The following KCNB2 variants were observed in gnomAD, a reference collection of about 807,000 sequenced individuals.
The protein encoded by KCNB2 is potassium voltage-gated channel subfamily B member 2, also known as delayed rectifier potassium channel protein.
In KCNB2, 15 loss-of-function variants were observed where a neutral mutation model predicts 61.5. The observed-to-expected ratio is 0.24, with a 90% CI of 0.16 to 0.38. The LOEUF is 0.38. KCNB2 is among the 10% of genes least tolerant of loss of function. The probability of loss-of-function intolerance (pLI) is 1.00; values close to 1 mark genes in which losing one functional copy is unlikely to be tolerated. For synonymous variants in KCNB2, 457 were observed against 446.0 expected, an observed-to-expected ratio of 1.02 and a Z score of -0.31; for missense variants, 828 against 1,125.2, an observed-to-expected ratio of 0.74 and a Z score of 3.78.
chr8:72,554,085 C>G (rs1467369227), intron 1 of KCNB2, among the ~76,000 whole-genome samples: 1 of 152,040 alleles, frequency 6.6e-6, no homozygotes, highest in African/African-American at 2.4e-5. Flanking sequence ...ATCAGGGAGA[C>G]AGTTTCAACT....
At chr8:72,819,279 C>G (rs1477560108) in intron 2 of KCNB2, among the ~76,000 whole-genome samples, 1 of 152,052 alleles carries the variant, frequency 6.6e-6, no homozygotes, top group Non-Finnish European at 1.5e-5. Context: ...ATGGCAGCAA[C>G]CGGCCCAGAG....
intron 1 of KCNB2, among the ~76,000 whole-genome samples, chr8:72,566,363 G>A (rs759965257): frequency 1.3e-5 from 2 of 152,110 alleles, no homozygotes; most frequent in Non-Finnish European, 2.9e-5. Context: ...GTTTTTAGGT[G>A]GACAAAACCC....
rs1329820665 is a variant in KCNB2 at position 72,818,222 on chromosome 8, G to T, written c.580-117713G>T. 1.3e-5 allele frequency among the ~76,000 whole-genome samples: 2 copies of T among 152,020 alleles called. 1 individual carries two copies. The highest frequency in any genetic ancestry group is 2.9e-5 in the Non-Finnish European group (2 of 68,004). ...AAAAAAATTATGGCCTATCACCCTA[G>T]TATGTAACAAAAATATTATATAACT... On this transcript the variant is annotated intron_variant, in intron 2 of 2. Coordinates refer to ENST00000523207, the MANE Select transcript of KCNB2 (RefSeq NM_004770.3).
At chr8:72,869,109 G>T (rs905191898) in intron 2 of KCNB2, among the ~76,000 whole-genome samples, 1 of 152,176 alleles carries the variant, frequency 6.6e-6, no homozygotes, top group African/African-American at 2.4e-5. Flanking sequence ...AAGAGGAAAC[G>T]CATCTAGCTC....
At chr8:72,754,525 C>T (rs1244253734) in intron 2 of KCNB2, among the ~76,000 whole-genome samples, 1 of 152,192 alleles carries the variant, frequency 6.6e-6, no homozygotes, top group Non-Finnish European at 1.5e-5. Flanking sequence ...CCTACCACCT[C>T]TCTGCCCTCT....
At chr8:72,616,048 C>T (rs1322335606) in intron 2 of KCNB2, among the ~76,000 whole-genome samples, 32 of 151,896 alleles carry the variant, frequency 2.1e-4, no homozygotes. Flanking sequence ...TACCTATTGA[C>T]AAGGGAAAAA....
chr8:72,813,418 A>G (rs77307223), intron 2 of KCNB2, among the ~76,000 whole-genome samples: 15,817 of 152,142 alleles, frequency 0.1, 1,069 homozygotes, highest in Middle Eastern at 0.24. Context: ...TACACCCAAA[A>G]AAAATAACTT....
chr8:72,763,210 ACT>A (rs1808412815), intron 2 of KCNB2, among the ~76,000 whole-genome samples: 1 of 151,904 alleles, frequency 6.6e-6, no homozygotes, highest in South Asian at 2.1e-4. Context: ...GAACCTGAAG[ACT>A]CTGGAGCAGT....
chr8:72,737,665 T>G (rs146285870), intron 2 of KCNB2, among the ~76,000 whole-genome samples: 1 of 152,150 alleles, frequency 6.6e-6, no homozygotes, highest in Admixed American at 6.6e-5. Flanking sequence ...TTACTAAATT[T>G]ATTAGTACTA....
At chr8:72,872,774 C>T (rs1447606916) in intron 2 of KCNB2, among the ~76,000 whole-genome samples, 2 of 152,154 alleles carry the variant, frequency 1.3e-5, no homozygotes, top group Non-Finnish European at 2.9e-5. Context: ...AGAGTACAGC[C>T]ATCAAGAAGA....
chr8:72,586,302 T>C (rs1374285497), intron 2 of KCNB2, among the ~76,000 whole-genome samples: 1 of 152,252 alleles, frequency 6.6e-6, no homozygotes, highest in East Asian at 1.9e-4. Flanking sequence ...CCACTTTTTA[T>C]GGTTGAGGTT....
intron 2 of KCNB2, among the ~76,000 whole-genome samples, chr8:72,621,232 A>G (rs902081935): frequency 6.6e-6 from 1 of 152,148 alleles, no homozygotes; most frequent in Non-Finnish European, 1.5e-5. Context: ...CTCAATCCCA[A>G]CGTGTCAGTA....
intron 2 of KCNB2, among the ~76,000 whole-genome samples, chr8:72,580,545 C>T (rs755627982): frequency 2.4e-4 from 36 of 152,300 alleles, no homozygotes; most frequent in Non-Finnish European, 5.0e-4. Flanking sequence ...CACAGGACAA[C>T]AGTGAATCAT....
chr8:72,773,155 T>C (rs1365735751), intron 2 of KCNB2, among the ~76,000 whole-genome samples: 1 of 152,218 alleles, frequency 6.6e-6, no homozygotes, highest in African/African-American at 2.4e-5. Flanking sequence ...GGCCCGGTCA[T>C]GTTCTAGACA....
intron 2 of KCNB2, among the ~76,000 whole-genome samples, chr8:72,897,797 A>C (rs79486677): frequency 0.045 from 6,851 of 152,218 alleles, 534 homozygotes; most frequent in African/African-American, 0.16. Flanking sequence ...GTGGGAAATC[A>C]ATATAAATTC....
chr8:72,810,112 T>C (rs192931854), intron 2 of KCNB2, among the ~76,000 whole-genome samples: 2 of 152,070 alleles, frequency 1.3e-5, no homozygotes, highest in Non-Finnish European at 2.9e-5. Context: ...GTACTTAAGA[T>C]GCCATGGGGA....
At chr8:72,717,685 C>T (rs9774558) in intron 2 of KCNB2, among the ~76,000 whole-genome samples, 101,085 of 151,266 alleles carry the variant, frequency 0.67, 34,469 homozygotes, top group African/African-American at 0.79. Context: ...AAGACTTAAA[C>T]GTTAGACCTC....
intron 2 of KCNB2, among the ~76,000 whole-genome samples, chr8:72,598,994 A>T (rs1238376931): frequency 6.6e-6 from 1 of 152,234 alleles, no homozygotes; most frequent in East Asian, 1.9e-4. Flanking sequence ...GGTAGGAAGA[A>T]TCAATATCGT....
chr8:72,714,060 G>A (rs1181392219), intron 2 of KCNB2, among the ~76,000 whole-genome samples: 2 of 152,204 alleles, frequency 1.3e-5, no homozygotes, highest in East Asian at 3.8e-4. Context: ...AATTGTATCA[G>A]CAATGGAAGA....
Sources: allele counts gnomAD v4.1 joint callset (sites outside exome capture counted in the v4.1 genomes callset), GRCh38; gene constraint gnomAD v4.1.1; transcripts MANE v1.5; gene names NCBI Gene and HGNC (gene_info 2026-07-23, HGNC 2026-07-21).